The following CACNA1D variants were observed in gnomAD, a reference collection of about 807,000 sequenced individuals.
CACNA1D encodes calcium voltage-gated channel subunit alpha1 D.
A neutral mutation model predicts 257.1 loss-of-function variants in CACNA1D; 55 were observed. The observed-to-expected ratio is 0.21, with a 90% CI of 0.17 to 0.27. The LOEUF (loss-of-function observed/expected upper bound fraction) is 0.27, where lower values mean the gene tolerates loss of function less well. Among genes scored for constraint, CACNA1D ranks in the 10% least tolerant of loss-of-function variants. CACNA1D has a pLI of 1.00. For synonymous variants in CACNA1D, 980 were observed against 1,014.9 expected (o/e 0.97, Z 0.65); for missense variants, 1,876 against 2,784.0 (o/e 0.67, Z 7.34).
In CACNA1D at chr3:53,494,826, T is replaced by A. The variant is rs2090280855; in HGVS notation, c.-341T>A. ...GCCGGGCCGGCATCACCGCGGCGTC[T>A]CTCCGCTAGAGGAGGGGACAAGCCA... On this transcript the variant is annotated 5_prime_UTR_variant, in exon 1 of 48. Transcript: ENST00000350061. 6.2e-6 allele frequency: 1 copy of A among 160,956 alleles called. No homozygotes were observed. Among genetic ancestry groups the A allele is most frequent in the Non-Finnish European group, 1.4e-5 (1 of 74,070 alleles). 10.0% of individuals were successfully genotyped at this position (160,956 alleles called of 1,614,324 possible).
chr3:53,738,200 C>T (rs2095077827), intron 20 of CACNA1D, among the ~76,000 whole-genome samples: 1 of 152,238 alleles, frequency 6.6e-6, no homozygotes, highest in Non-Finnish European at 1.5e-5. Context: ...GACACACCTG[C>T]AGATCTGTGC....
chr3:53,707,853 G>T (rs141701908), intron 9 of CACNA1D, among the ~76,000 whole-genome samples: 10 of 152,084 alleles, frequency 6.6e-5, no homozygotes, highest in African/African-American at 2.4e-4. Flanking sequence ...TAAAATTCTG[G>T]CCAGAAAAGC....
chr3:53,680,779 A>G (rs541794126), intron 8 of CACNA1D, among the ~76,000 whole-genome samples: 23 of 152,250 alleles, frequency 1.5e-4, no homozygotes, highest in African/African-American at 5.3e-4. Context: ...GTGAGAAACA[A>G]ATTGATGATT....
intron 3 of CACNA1D, among the ~76,000 whole-genome samples, chr3:53,554,021 C>A (rs546376462): frequency 6.6e-6 from 1 of 151,850 alleles, no homozygotes; most frequent in East Asian, 1.9e-4. Flanking sequence ...ACAGTGAAAC[C>A]CTGTCTCTAC....
chr3:53,607,383 A>G (rs1576066370), intron 3 of CACNA1D, among the ~76,000 whole-genome samples: 1 of 152,364 alleles, frequency 6.6e-6, no homozygotes, highest in East Asian at 1.9e-4. Context: ...GCCCAGGGTT[A>G]TCACATGGAC....
At chr3:53,733,039 G>A (rs2095014865) in intron 19 of CACNA1D, 77 bp downstream of exon 19, 3 of 1,458,112 alleles carry the variant, frequency 2.1e-6, no homozygotes, top group Non-Finnish European at 1.9e-6. Flanking sequence ...TGGCTCGGGT[G>A]GGGGTGAGGG....
chr3:53,587,973 C>T lies in CACNA1D; in HGVS notation c.484-62806C>T, dbSNP rs79464964. Among the ~76,000 whole-genome samples the T allele has an allele frequency of 3.5e-3, 538 of 152,176 alleles. 13 individuals are homozygous for T. The highest frequency in any genetic ancestry group is 0.035 in the East Asian group (179 of 5,180). ...GCACATTCCATCAAGTGGTTCTGCC[C>T]AAATTTACTCAATTAGATCTTGGTG... On this transcript the variant is annotated intron_variant, in intron 3 of 47. Coordinates refer to ENST00000350061, the MANE Select transcript of CACNA1D (RefSeq NM_001128840.3).
intron 5 of CACNA1D, among the ~76,000 whole-genome samples, chr3:53,664,127 T>C (rs2094235677): frequency 6.6e-6 from 1 of 152,196 alleles, no homozygotes; most frequent in Non-Finnish European, 1.5e-5. Flanking sequence ...AGGACACGTC[T>C]ACCTTAATGT....
At position 53,497,419 on chromosome 3, in the gene CACNA1D, A is replaced by G. The variant is rs762596454; in HGVS notation, c.335A>G (p.Asn112Ser). The change falls in exon 2 of 48, where the codon AAT (asparagine) becomes AGT (serine). Residue 112 changes from asparagine (N) to serine (S), a missense_variant. By Grantham distance (46) the Asn-to-Ser change is conservative. This residue lies in a region of CACNA1D where 143 missense variants were observed against 168.7 expected (regional missense o/e 0.85). Transcript: ENST00000350061. Reference protein sequence around the residue: ...PARALFCLSLNNPIRRACISI... With the variant: ...PARALFCLSLSNPIRRACISI... ...CGCGCCCTTTTCTGTTTATCACTCA[A>G]TAACCCCATCCGAAGAGCCTGCATT... The G allele has an allele frequency of 3.7e-6, 6 of 1,614,214 alleles. No individual in the cohort carries two copies. The Admixed American group carries it at 8.3e-5, about 22-fold the overall frequency.
chr3:53,660,390 A>C, intron 5 of CACNA1D, 115 bp downstream of exon 5: 2 of 931,188 alleles, frequency 2.1e-6, no homozygotes, highest in Non-Finnish European at 3.4e-6. Context: ...GGGTCAGCAG[A>C]TGACCATGGC....
In CACNA1D at chr3:53,702,774, A is replaced by G. The variant is rs760504266; in HGVS notation, c.1354A>G (p.Asn452Asp). Residue 452 changes from asparagine (N) to aspartate (D), a missense_variant, in exon 9 of 48, where the codon AAT becomes GAT. Transcript: ENST00000350061. ...ITQAEDIDPE[N>D]EEEGGEEGKR... ...CCAAGCTGAGGACATCGATCCGGAGAATGAGGAAGAAGGAGGAGAGGAAGG... is the reference window on the plus strand; with the variant it reads ...CCAAGCTGAGGACATCGATCCGGAGGATGAGGAAGAAGGAGGAGAGGAAGG... 6.2e-7 allele frequency: 1 copy of G among 1,614,114 alleles called. No individual in the cohort carries two copies. The highest frequency in any genetic ancestry group is 1.7e-5 in the Admixed American group (1 of 60,006).
intron 11 of CACNA1D, 120 bp from the exon 12 acceptor site, chr3:53,722,194 C>T: frequency 1.0e-6 from 1 of 964,858 alleles, no homozygotes; most frequent in Admixed American, 1.9e-5. Context: ...TCTTTCTTTC[C>T]TGCACTCCCA....
At chr3:53,721,326 G>A (rs1314005350) in intron 11 of CACNA1D, among the ~76,000 whole-genome samples, 2 of 152,160 alleles carry the variant, frequency 1.3e-5, no homozygotes, top group East Asian at 1.9e-4. Flanking sequence ...AGTCAGCCAG[G>A]GCTGCAGCTT....
intron 3 of CACNA1D, among the ~76,000 whole-genome samples, chr3:53,601,995 G>A (rs537697716): frequency 7.9e-5 from 12 of 152,300 alleles, no homozygotes; most frequent in African/African-American, 2.9e-4. Flanking sequence ...ACAGGCACGA[G>A]CCACCACACC....
chr3:53,622,638 CG>C (rs1159743999), intron 3 of CACNA1D, among the ~76,000 whole-genome samples: 2 of 151,760 alleles, frequency 1.3e-5, no homozygotes, highest in African/African-American at 4.8e-5. Flanking sequence ...GGGTAGGGGG[CG>C]GGAGAGGATC....
chr3:53,745,581 C>T, intron 23 of CACNA1D, 43 bp from the exon 24 acceptor site: 1 of 1,363,840 alleles, frequency 7.3e-7, no homozygotes, highest in Non-Finnish European at 1.1e-6. Flanking sequence ...ACCTCAAGGC[C>T]AAAATCACAA....
At chr3:53,498,413 C>T (rs2090440319) in intron 2 of CACNA1D, among the ~76,000 whole-genome samples, 1 of 152,176 alleles carries the variant, frequency 6.6e-6, no homozygotes, top group African/African-American at 2.4e-5. Context: ...CAGTTACTGC[C>T]ACTCTTCAGA....
chr3:53,660,497 G>A (rs867723887), intron 5 of CACNA1D, among the ~76,000 whole-genome samples: 8 of 152,162 alleles, frequency 5.3e-5, no homozygotes, highest in Non-Finnish European at 7.4e-5. Flanking sequence ...TTTTGTGGAC[G>A]AAAGAATCTT....
At chr3:53,617,163 G>A (rs1488717302) in intron 3 of CACNA1D, among the ~76,000 whole-genome samples, 1 of 152,128 alleles carries the variant, frequency 6.6e-6, no homozygotes, top group East Asian at 1.9e-4. Flanking sequence ...GTTGTCTCAC[G>A]ATACTCACTG....
Sources: gnomAD v4.1 joint callset for allele counts (sites outside exome capture counted in the v4.1 genomes callset) on GRCh38, gnomAD v4.1.1 for gene constraint, gnomAD v4.1.1 regional missense constraint, MANE v1.5 for transcripts, NCBI Gene and HGNC (gene_info 2026-07-23, HGNC 2026-07-21) for gene names.